The following MAP7D2 variants were observed in gnomAD, a reference collection of about 807,000 sequenced individuals.
MAP7D2 encodes the protein MAP7 domain containing 2, also known as MAP7 domain-containing protein 2.
MAP7D2 carries 33 observed loss-of-function variants against 63.5 expected under a neutral mutation model. That is an observed-to-expected ratio of 0.52 (90% CI 0.39 to 0.70). MAP7D2 has a LOEUF of 0.70. MAP7D2 is among the 30% of genes least tolerant of loss of function. MAP7D2 has a pLI of 0.00. For synonymous variants in MAP7D2, 224 were observed against 223.7 expected, an observed-to-expected ratio of 1.00 and a Z score of -0.01; for missense variants, 626 against 604.0, an observed-to-expected ratio of 1.04 and a Z score of -0.38.
At chrX:20,015,141 C>A in intron 12 of MAP7D2, 82 bp downstream of exon 12, 1 of 693,869 alleles carries the variant, frequency 1.4e-6, no homozygotes, top group East Asian at 3.2e-5. Flanking sequence ...ATCCTAGGAT[C>A]ATTCTATCCA....
chrX:20,040,000 A>T (rs1174491489), intron 8 of MAP7D2, among the ~76,000 whole-genome samples: 1 of 104,254 alleles, frequency 9.6e-6, no homozygotes. Flanking sequence ...TCCATCTCAA[A>T]AAAAAAAAAA....
At chrX:20,084,545 T>TTCCCTCCCCCCCTCCC (rs2065859248) in intron 1 of MAP7D2, among the ~76,000 whole-genome samples, 1 of 55,397 alleles carries the variant, frequency 1.8e-5, no homozygotes, top group African/African-American at 6.9e-5. Context: ...TTCCTTCCTG[T>TTCCCTCCCCCCCTCCC]TCCCTCCCTC....
At chrX:20,073,203 A>C (rs940649405) in intron 1 of MAP7D2, among the ~76,000 whole-genome samples, 2 of 111,810 alleles carry the variant, frequency 1.8e-5, no homozygotes, top group Non-Finnish European at 3.8e-5. Flanking sequence ...TAGATGATAT[A>C]TCTGGTTCCA....
chrX:20,023,161 C>T (rs376586162), intron 10 of MAP7D2, among the ~76,000 whole-genome samples: 31 of 112,284 alleles, frequency 2.8e-4, no homozygotes, highest in Admixed American at 7.5e-4. Flanking sequence ...GCTTCAGAAA[C>T]GGACAATAAA....
intron 5 of MAP7D2, 76 bp from the exon 6 acceptor site, chrX:20,051,022 A>G: frequency 1.2e-6 from 1 of 859,473 alleles, no homozygotes; most frequent in Non-Finnish European, 1.5e-6. Flanking sequence ...AAACAACACA[A>G]TGCATGGTGC....
At chrX:20,065,921 T>C (rs2065347602) in intron 1 of MAP7D2, among the ~76,000 whole-genome samples, 1 of 107,368 alleles carries the variant, frequency 9.3e-6, no homozygotes, top group South Asian at 4.1e-4. Context: ...ACCATTCTTT[T>C]TTTTTTTTTT....
intron 15 of MAP7D2, among the ~76,000 whole-genome samples, chrX:20,011,686 C>T (rs2073206129): frequency 8.9e-6 from 1 of 112,629 alleles, no homozygotes; most frequent in African/African-American, 3.2e-5. Flanking sequence ...CCCACGTCAT[C>T]ACTGGCAAAG....
chrX:20,063,886 C>A (rs375532282), intron 2 of MAP7D2, among the ~76,000 whole-genome samples: 1 of 112,476 alleles, frequency 8.9e-6, no homozygotes, highest in Non-Finnish European at 1.9e-5. Flanking sequence ...TGCCTCCCCA[C>A]GTGGGAGCTA....
At position 20,109,805 on chromosome X, in the gene MAP7D2, G is replaced by A. The variant is rs1226639945; in HGVS notation, c.130+6945C>T. ...TCATGCCTGTAATCCCAGCACTTTG[G>A]GAGGCGGATCACCTGAGGTCAGGAG... On this transcript the variant is annotated intron_variant, in intron 1 of 16. Transcript: ENST00000379643. 2.7e-5 allele frequency among the ~76,000 whole-genome samples: 3 copies of A among 111,247 alleles called. No homozygotes were observed. The East Asian group carries it at 8.5e-4, about 32-fold the overall frequency.
At chrX:20,049,692 T>C (rs1253207316) in intron 6 of MAP7D2, among the ~76,000 whole-genome samples, 1 of 112,023 alleles carries the variant, frequency 8.9e-6, no homozygotes, top group Non-Finnish European at 1.9e-5. Context: ...TCCTTGGCTG[T>C]ATACCTAGGA....
chrX:20,107,344 G>A (rs1357716602), intron 1 of MAP7D2, among the ~76,000 whole-genome samples: 1 of 111,366 alleles, frequency 9.0e-6, no homozygotes, highest in Non-Finnish European at 1.9e-5. Context: ...GCCAAGGCAG[G>A]CAGATCACTT....
At chrX:20,109,449 G>A (rs1173468050) in intron 1 of MAP7D2, among the ~76,000 whole-genome samples, 1 of 104,716 alleles carries the variant, frequency 9.5e-6, no homozygotes, top group African/African-American at 3.6e-5. Flanking sequence ...GAACCCAGGA[G>A]GCGGAGGTTG....
intron 1 of MAP7D2, among the ~76,000 whole-genome samples, chrX:20,107,533 C>T (rs914248997): frequency 3.6e-5 from 4 of 110,839 alleles, no homozygotes; most frequent in African/African-American, 9.9e-5. Flanking sequence ...ATCACGCCAC[C>T]GCACTCCAGC....
intron 1 of MAP7D2, among the ~76,000 whole-genome samples, chrX:20,112,390 T>C (rs1291233761): frequency 1.8e-5 from 2 of 111,708 alleles, no homozygotes; most frequent in Non-Finnish European, 3.8e-5. Flanking sequence ...ACTCTGCTAG[T>C]CACAAGGCTT....
At chrX:20,065,264 CTTTTTT>C (rs779399409) in intron 1 of MAP7D2, among the ~76,000 whole-genome samples, 2 of 91,451 alleles carry the variant, frequency 2.2e-5, no homozygotes, top group Non-Finnish European at 4.4e-5. Flanking sequence ...GAACATTTTA[CTTTTTT>C]TTTTTTTTTT....
chrX:20,019,651 C>T (rs1386118744), intron 10 of MAP7D2, among the ~76,000 whole-genome samples: 1 of 112,189 alleles, frequency 8.9e-6, no homozygotes, highest in Non-Finnish European at 1.9e-5. Context: ...TCTATTCTTA[C>T]GTGCTTAAAA....
rs1448454661 is a variant in MAP7D2, at chrX:20,094,552, A to G, written c.130+22198T>C. ...TATATATATATATATGTATATATAT[A>G]TATATATATATATATACATATATAT... On this transcript the variant is annotated intron_variant, in intron 1 of 16. Coordinates refer to ENST00000379643, the MANE Select transcript of MAP7D2 (RefSeq NM_001168465.2). 9.3e-4 allele frequency among the ~76,000 whole-genome samples: 10 copies of G among 10,794 alleles called. 1 individual carries two copies. The highest frequency in any genetic ancestry group is 3.6e-3 in the East Asian group (1 of 279). 9.4% of individuals were successfully genotyped at this position (10,794 alleles called of 115,157 possible).
At chrX:20,036,446 G>A (rs868019844) in intron 8 of MAP7D2, among the ~76,000 whole-genome samples, 9 of 103,728 alleles carry the variant, frequency 8.7e-5, no homozygotes, top group Admixed American at 4.1e-4. Context: ...GTTTCACTAT[G>A]TTGGCCAGGC....
intron 1 of MAP7D2, among the ~76,000 whole-genome samples, chrX:20,079,304 A>G (rs1043958508): frequency 2.8e-4 from 31 of 112,024 alleles, no homozygotes; most frequent in African/African-American, 1.0e-3. Context: ...AGCATGGCAA[A>G]AAGGCCTAAC....
Sources: gnomAD v4.1 joint callset for allele counts (sites outside exome capture counted in the v4.1 genomes callset) on GRCh38, gnomAD v4.1.1 for gene constraint, MANE v1.5 for transcripts, NCBI Gene and HGNC (gene_info 2026-07-23, HGNC 2026-07-21) for gene names.